The following GOLGA8A variants were observed in gnomAD, a reference collection of about 807,000 sequenced individuals.
GOLGA8A encodes golgin subfamily A member 8A.
In GOLGA8A, 3 loss-of-function variants were observed where a neutral mutation model predicts 22.1. The observed-to-expected ratio is 0.14, with a 90% CI of 0.06 to 0.35. GOLGA8A has a LOEUF of 0.35. GOLGA8A is among the 10% of genes least tolerant of loss of function. The pLI, the probability that GOLGA8A is intolerant of heterozygous loss-of-function variation, is 1.00. For missense variants in GOLGA8A, 16 were observed against 233.2 expected (o/e 0.07, Z 6.07); for synonymous variants, 7 against 91.7 (o/e 0.08, Z 5.28).
rs1225547700 is a variant in GOLGA8A, at chr15:34,380,065, A to C, written c.*1346T>G. 1 of 152,650 alleles carries C rather than the reference A, an allele frequency of 6.6e-6. No homozygotes were observed. The highest frequency in any genetic ancestry group is 1.5e-5 in the Non-Finnish European group (1 of 68,048). 9.5% of individuals were successfully genotyped at this position (152,650 alleles called of 1,614,324 possible). On this transcript the variant is annotated 3_prime_UTR_variant, in exon 25 of 25. Transcript: ENST00000359187. ...TTGCATAAACTTCTCCTTGATTTTC[A>C]AAGATAATATAATACTGTCTACTAA...
chr15:34,380,236 C>A lies in GOLGA8A; in HGVS notation c.*1175G>T, dbSNP rs1441587724. The A allele has an allele frequency of 2.0e-5, 3 of 152,090 alleles. No individual in the cohort carries two copies. The highest frequency in any genetic ancestry group is 4.8e-5 in the African/African-American group (2 of 41,412). 9.4% of individuals were successfully genotyped at this position (152,090 alleles called of 1,614,324 possible). A position where few individuals can be genotyped will look rare whatever the true frequency, so the allele number is the denominator to read the frequency against. ...GAGGTGGTTGAAGAATAGGTATTAG[C>A]CAGAGAGGTCTAGATAGTAAAATCA... On this transcript the variant is annotated 3_prime_UTR_variant, in exon 25 of 25. Coordinates refer to ENST00000359187, the MANE Select transcript of GOLGA8A (RefSeq NM_181077.5).
chr15:34,433,953 C>G (rs1893371193), intron 2 of GOLGA8A, among the ~76,000 whole-genome samples: 1 of 149,200 alleles, frequency 6.7e-6, no homozygotes, highest in African/African-American at 2.5e-5. Flanking sequence ...AGGTGGGCAT[C>G]TGGGGGTGGC....
intron 2 of GOLGA8A, among the ~76,000 whole-genome samples, chr15:34,425,200 C>T (rs8035956): frequency 0.28 from 40,798 of 145,904 alleles, 8,062 homozygotes; most frequent in African/African-American, 0.39. Flanking sequence ...TTTAAGATAA[C>T]TAAGTCTTAC....
intron 2 of GOLGA8A, among the ~76,000 whole-genome samples, chr15:34,430,723 G>A (rs1893189738): frequency 6.7e-6 from 1 of 149,804 alleles, no homozygotes; most frequent in South Asian, 2.1e-4. Context: ...TAGCAGAACA[G>A]TTGCACACAT....
rs1272044021 is a variant in GOLGA8A, at chr15:34,429,178, T to A, written c.-1123+6205A>T. On this transcript the variant is annotated intron_variant, in intron 2 of 24. Transcript: ENST00000359187. ...CAACACGCCCCTGACCGCGTCTTCC[T>A]CCCATGCTCTGAACTGTCCACTAGG... is the stretch of plus-strand genomic sequence containing the variant. Among the ~76,000 whole-genome samples the A allele has an allele frequency of 2.2e-4, 32 of 147,464 alleles. 2 individuals are homozygous for A. Among genetic ancestry groups the A allele is most frequent in the Admixed American group, 2.1e-3 (31 of 14,522 alleles).
chr15:34,429,667 A>G (rs1595668138), intron 2 of GOLGA8A, among the ~76,000 whole-genome samples: 1 of 148,024 alleles, frequency 6.8e-6, no homozygotes, highest in South Asian at 2.2e-4. Flanking sequence ...CCAGCTCTAA[A>G]CTGGGAACAA....
chr15:34,431,910 T>C (rs1233619386), intron 2 of GOLGA8A, among the ~76,000 whole-genome samples: 1 of 149,300 alleles, frequency 6.7e-6, no homozygotes, highest in East Asian at 2.0e-4. Flanking sequence ...TCATATATGC[T>C]ATCATTCACC....
intron 2 of GOLGA8A, among the ~76,000 whole-genome samples, chr15:34,427,330 CAAA>C (rs67775520): frequency 0.14 from 11,096 of 78,984 alleles, 931 homozygotes; most frequent in South Asian, 0.34. Flanking sequence ...GACTCCGTCA[CAAA>C]AAAAAAAAAA....
intron 2 of GOLGA8A, among the ~76,000 whole-genome samples, chr15:34,432,382 A>G (rs1478109591): frequency 6.7e-6 from 1 of 148,620 alleles, no homozygotes; most frequent in Admixed American, 6.8e-5. Context: ...GGAGACAGGG[A>G]CAGAACACGG....
rs1240596428 is a variant in GOLGA8A at position 34,429,560 on chromosome 15, C to G, written c.-1123+5823G>C. 2.0e-5 allele frequency among the ~76,000 whole-genome samples: 3 copies of G among 149,044 alleles called. 1 individual carries two copies. The Admixed American group carries it at 2.0e-4, about 10-fold the overall frequency. Reference sequence around the variant, plus strand: ...GGCTCTCACATCTTCCAGACTGTGCCTCTCTAGGAGGGCCTTGGACCCAGA... The same window carrying G: ...GGCTCTCACATCTTCCAGACTGTGCGTCTCTAGGAGGGCCTTGGACCCAGA... On this transcript the variant is annotated intron_variant, in intron 2 of 24. Coordinates refer to ENST00000359187, the MANE Select transcript of GOLGA8A (RefSeq NM_181077.5).
Position 34,380,961 on chromosome 15 carries a change from T to G in GOLGA8A, c.*450A>C, listed in dbSNP as rs1264839853. 3.1e-6 allele frequency: 1 copy of G among 323,232 alleles called. No individual in the cohort carries two copies. Among genetic ancestry groups the G allele is most frequent in the African/African-American group, 2.2e-5 (1 of 45,710 alleles). The allele number at this position is 323,232 out of a possible 1,614,324, so 20.0% of individuals were successfully genotyped here. A position where few individuals can be genotyped will look rare whatever the true frequency, so the allele number is the denominator to read the frequency against. On this transcript the variant is annotated 3_prime_UTR_variant, in exon 25 of 25. Coordinates refer to ENST00000359187, the MANE Select transcript of GOLGA8A (RefSeq NM_181077.5). ...ACCGCATATTGAGCTATAGAAGAGC[T>G]CACTGTGATTAAGATGAGATCAAAC...
chr15:34,426,085 G>A (rs138328095), intron 2 of GOLGA8A, among the ~76,000 whole-genome samples: 11,733 of 146,308 alleles, frequency 0.08, 1,090 homozygotes, highest in South Asian at 0.22. Context: ...ATTCAGCCCC[G>A]CAAGTCCACT....
intron 2 of GOLGA8A, among the ~76,000 whole-genome samples, chr15:34,426,236 AGCGTCAGAATAAC>A (rs1473062788): frequency 6.7e-6 from 1 of 149,890 alleles, no homozygotes; most frequent in African/African-American, 2.5e-5. Flanking sequence ...ATATTATGCA[AGCGTCAGAATAAC>A]GCTGCTTGCG....
chr15:34,400,886 T>C (rs1159699618), intron 5 of GOLGA8A, 127 bp from the exon 6 acceptor site: 1 of 103,100 alleles, frequency 9.7e-6, no homozygotes, highest in Non-Finnish European at 2.3e-5. Context: ...AGAAAACTAC[T>C]ACCATCCTTA....
chr15:34,434,321 C>A lies in GOLGA8A; in HGVS notation c.-1123+1062G>T, dbSNP rs1595672917. Among the ~76,000 whole-genome samples, 2 of 149,608 alleles carry A rather than the reference C, an allele frequency of 1.3e-5. 1 individual carries two copies. Among genetic ancestry groups the A allele is most frequent in the Admixed American group, 1.3e-4 (2 of 14,884 alleles). On this transcript the variant is annotated intron_variant, in intron 2 of 24. Transcript: ENST00000359187. ...GCCAACTTGCAGACTCAGGGGTACCCCACAGCCCAACCTGGGAAACCTCAC... is the reference window on the plus strand; with the variant it reads ...GCCAACTTGCAGACTCAGGGGTACCACACAGCCCAACCTGGGAAACCTCAC...
chr15:34,437,031 C>A (rs1234537923), intron 1 of GOLGA8A, among the ~76,000 whole-genome samples: 4 of 148,860 alleles, frequency 2.7e-5, no homozygotes, highest in African/African-American at 2.5e-5. Context: ...ACCAGCGGCC[C>A]GACCAGCCCG....
Position 34,435,853 on chromosome 15 carries a change from A to G in GOLGA8A, c.-1211-382T>C, listed in dbSNP as rs542305642. On this transcript the variant is annotated intron_variant, in intron 1 of 24. Coordinates refer to ENST00000359187, the MANE Select transcript of GOLGA8A (RefSeq NM_181077.5). ...CTGCTAGAGCCCACCGAGGGCTGCC[A>G]GCACACAGCTACGAGCTCCAGCTTT... is the stretch of plus-strand genomic sequence containing the variant. Among the ~76,000 whole-genome samples, 15 of 149,000 alleles carry G rather than the reference A, an allele frequency of 1.0e-4. 2 individuals carry two copies. The highest frequency in any genetic ancestry group is 4.4e-4 in the South Asian group (2 of 4,584).
intron 2 of GOLGA8A, chr15:34,429,030 G>C (rs1893111882): frequency 6.8e-6 from 1 of 147,878 alleles, no homozygotes; most frequent in Non-Finnish European, 1.5e-5. Context: ...GATGCTGGCA[G>C]TGCCTCGGCC....
intron 1 of GOLGA8A, among the ~76,000 whole-genome samples, chr15:34,436,422 G>A (rs1893514128): frequency 6.7e-6 from 1 of 149,790 alleles, no homozygotes; most frequent in Non-Finnish European, 1.5e-5. Context: ...GCCTGTTTAG[G>A]AGCTGACTGC....
Sources: gnomAD v4.1 joint callset for allele counts (sites outside exome capture counted in the v4.1 genomes callset) on GRCh38, gnomAD v4.1.1 for gene constraint, MANE v1.5 for transcripts, NCBI Gene and HGNC (gene_info 2026-07-23, HGNC 2026-07-21) for gene names.